The following TTBK1 variants were observed in gnomAD, a reference collection of about 807,000 sequenced individuals.
TTBK1 encodes the protein tau tubulin kinase 1.
TTBK1 carries 34 observed loss-of-function variants against 108.5 expected under a neutral mutation model. The observed-to-expected ratio is 0.31, with a 90% CI of 0.24 to 0.42. The LOEUF is 0.42. TTBK1 is among the 10% of genes least tolerant of loss of function. The pLI is 1.00. For missense variants in TTBK1, 1,539 were observed against 1,826.0 expected, an observed-to-expected ratio of 0.84 and a Z score of 2.86; for synonymous variants, 809 against 795.1, an observed-to-expected ratio of 1.02 and a Z score of -0.29.
intron 13 of TTBK1, among the ~76,000 whole-genome samples, chr6:43,277,440 TC>T (rs1778030781): frequency 6.6e-6 from 1 of 152,024 alleles, no homozygotes. Context: ...CTCCACCCCA[TC>T]CCCGCACACT....
chr6:43,275,342 G>A (rs968232575), intron 13 of TTBK1, among the ~76,000 whole-genome samples: 1 of 151,824 alleles, frequency 6.6e-6, no homozygotes, highest in African/African-American at 2.4e-5. Flanking sequence ...GGCTTCCCCT[G>A]GGTTCGCGTC....
In TTBK1 at chr6:43,243,542, G is replaced by C. The variant is rs1188301273; in HGVS notation, c.-221G>C. Reference sequence around the variant, plus strand: ...CGTCGCCCAAGGAGGATCGGGGCCGGGCCGGGCCGGGATGATCCGGGTCGG... The same window carrying C: ...CGTCGCCCAAGGAGGATCGGGGCCGCGCCGGGCCGGGATGATCCGGGTCGG... On this transcript the variant is annotated 5_prime_UTR_variant, in exon 1 of 15. Coordinates refer to ENST00000259750, the MANE Select transcript of TTBK1 (RefSeq NM_032538.3). This position sits in a 1 kb window ranked among gnomAD's most constrained non-coding sequence, Gnocchi z 5.5. 1.3e-5 allele frequency: 2 copies of C among 153,194 alleles called. No individual in the cohort carries two copies. Among genetic ancestry groups the C allele is most frequent in the Non-Finnish European group, 2.9e-5 (2 of 68,418 alleles). 9.5% of individuals were successfully genotyped at this position (153,194 alleles called of 1,614,324 possible). A position where few individuals can be genotyped will look rare whatever the true frequency, so the allele number is the denominator to read the frequency against.
rs1341648820 is a variant in TTBK1 at position 43,262,831 on chromosome 6, C to T, written c.1467C>T (p.Cys489=). The T allele has an allele frequency of 1.3e-6, 2 of 1,598,396 alleles. No homozygotes were observed. The highest frequency in any genetic ancestry group is 1.3e-5 in the African/African-American group (1 of 74,686). Residue 489 remains cysteine, a synonymous_variant, in exon 13 of 15, where the codon TGC becomes TGT. Transcript: ENST00000259750. ...DLPGSPSRQA[C]SSQPAQMLSV... ...CTGGCTCGCCCTCGCGCCAGGCCTGCTCCTCTCAGCCAGCCCAGATGCTGT... is the reference window on the plus strand; with the variant it reads ...CTGGCTCGCCCTCGCGCCAGGCCTGTTCCTCTCAGCCAGCCCAGATGCTGT...
rs1480769845 is a variant in TTBK1, at chr6:43,284,023, G to A, written c.3283G>A (p.Glu1095Lys). The change falls in exon 14 of 15, where the codon GAG (glutamate) becomes AAG (lysine). Residue 1095 changes from glutamate to lysine, a missense_variant. Glu to Lys is a moderately conservative substitution (Grantham distance 56). Coordinates refer to ENST00000259750, the MANE Select transcript of TTBK1 (RefSeq NM_032538.3). ...PQQDLARLVM[E>K]KRQGRLLLRL... The stretch of plus-strand genomic sequence containing the variant: ...GCAGGACCTGGCGCGGCTGGTGATG[G>A]AGAAGAGGCAGGGCCGCCTGCTGTT... 6.4e-7 allele frequency: 1 copy of A among 1,572,860 alleles called. No homozygotes were observed.
intron 2 of TTBK1, among the ~76,000 whole-genome samples, chr6:43,248,595 C>T (rs369555087): frequency 1.3e-4 from 20 of 152,180 alleles, no homozygotes; most frequent in Non-Finnish European, 1.8e-4. Context: ...TGGCAGTGGG[C>T]GCCTGTAATC....
In TTBK1 at chr6:43,283,028, A is replaced by T. The variant is rs1238450042; in HGVS notation, c.2288A>T (p.Glu763Val). 1 of 1,584,794 alleles carries T rather than the reference A, an allele frequency of 6.3e-7. No homozygotes were observed. ...GAAGAGGAAGAGGAGGAGGAAGAAG[A>T]GGAGGAGGAGGAAGAGGAGGAGGAG... is the stretch of plus-strand genomic sequence containing the variant. Reference protein sequence around the residue: ...EEEEEEEEEEEEEEEEEEEAA... With the variant: ...EEEEEEEEEEVEEEEEEEEAA... Residue 763 changes from glutamate to valine, a missense_variant, in exon 14 of 15, where the codon GAG becomes GTG. By Grantham distance (121) the Glu-to-Val change is moderately radical. Transcript: ENST00000259750. This position sits in a 1 kb window ranked among gnomAD's most constrained non-coding sequence, Gnocchi z 8.1.
At position 43,284,974 on chromosome 6, in the gene TTBK1, C is replaced by T. The variant is rs1397714586; in HGVS notation, c.3573-9C>T. 1 of 1,511,750 alleles carries T rather than the reference C, an allele frequency of 6.6e-7. No individual in the cohort carries two copies. The highest frequency in any genetic ancestry group is 8.8e-7 in the Non-Finnish European group (1 of 1,136,126). 93.6% of individuals were successfully genotyped at this position (1,511,750 alleles called of 1,614,324 possible). ...CTCTTCTTTTCTCCTGCCTTCTGCT[C>T]TCAAGCAGGCTCCAGCTGCAGACGC... On this transcript the variant is annotated splice_polypyrimidine_tract_variant and intron_variant, in intron 14 of 14. Transcript: ENST00000259750.
intron 13 of TTBK1, among the ~76,000 whole-genome samples, chr6:43,267,807 T>A (rs983951066): frequency 6.6e-6 from 1 of 152,184 alleles, no homozygotes; most frequent in East Asian, 1.9e-4. Context: ...GCACAGCAGG[T>A]CAGCATGCGC....
intron 2 of TTBK1, among the ~76,000 whole-genome samples, 197 bp downstream of exon 2, chr6:43,246,965 G>T (rs1217802557): frequency 2.0e-5 from 3 of 152,072 alleles, no homozygotes; most frequent in Non-Finnish European, 4.4e-5. Flanking sequence ...CCTCTCTCGA[G>T]CCCCGCCCTC....
chr6:43,285,512 C>CCGCGAGGACGCG lies in TTBK1; in HGVS notation c.*143_*154dup. On this transcript the variant is annotated 3_prime_UTR_variant, in exon 15 of 15. Transcript: ENST00000259750. The surrounding 1 kb of genome is among the most constrained non-coding windows in gnomAD (Gnocchi z 4.7). ...CGCGGCCCCAGCTTTCCGCCTGCACCCGCGAGGACGCGCGCGAGCACACGC... is the reference window on the plus strand; with the variant it reads ...CGCGGCCCCAGCTTTCCGCCTGCACCCGCGAGGACGCGCGCGAGGACGCGCGCGAGCACACGC... The CCGCGAGGACGCG allele has an allele frequency of 8.7e-7, 1 of 1,147,190 alleles. No individual in the cohort carries two copies. Among genetic ancestry groups the CCGCGAGGACGCG allele is most frequent in the Non-Finnish European group, 1.1e-6 (1 of 915,338 alleles). 71.1% of individuals were successfully genotyped at this position (1,147,190 alleles called of 1,614,324 possible). A position where few individuals can be genotyped will look rare whatever the true frequency, so the allele number is the denominator to read the frequency against.
intron 13 of TTBK1, among the ~76,000 whole-genome samples, chr6:43,266,174 CT>C (rs1334268185): frequency 1.3e-5 from 2 of 152,194 alleles, no homozygotes; most frequent in Non-Finnish European, 2.9e-5. Context: ...CACTCTGCCC[CT>C]GTGCATGTGC....
rs763296974 is a variant in TTBK1 at position 43,246,787 on chromosome 6, G to A, written c.108+19G>A. 1.4e-5 allele frequency: 23 copies of A among 1,592,236 alleles called. No individual in the cohort carries two copies. Among genetic ancestry groups the A allele is most frequent in the African/African-American group, 2.7e-5 (2 of 74,388 alleles). ...GAAGGTGGTGAGTGAGTGACCCGGC[G>A]GGACAGAGGGAGGGTAGCGGGGAGG... On this transcript the variant is annotated intron_variant, in intron 2 of 14. Transcript: ENST00000259750.
chr6:43,254,295 T>C (rs150157246), intron 5 of TTBK1, among the ~76,000 whole-genome samples: 1 of 152,230 alleles, frequency 6.6e-6, no homozygotes, highest in African/African-American at 2.4e-5. Context: ...CCACTTGCTG[T>C]GTAATCTCAG....
Position 43,285,158 on chromosome 6 carries a change from CG to C in TTBK1, c.3750del (p.Ser1251AlafsTer132). On this transcript the variant is annotated frameshift_variant, in exon 15 of 15. Coordinates refer to ENST00000259750, the MANE Select transcript of TTBK1 (RefSeq NM_032538.3). LOFTEE classifies it high-confidence loss of function. This position sits in a 1 kb window ranked among gnomAD's most constrained non-coding sequence, Gnocchi z 4.7. Reference sequence around the variant, plus strand: ...CGCGCGCAATGCCAGCGCGTCCCCCCGGAGCCAGTCCCTGTCCCGCAGAGAG... The same window carrying C: ...CGCGCGCAATGCCAGCGCGTCCCCCCGAGCCAGTCCCTGTCCCGCAGAGAG... ...SAARNASASP[R>X]SQSLSRRESP... 2.8e-6 allele frequency: 4 copies of C among 1,419,254 alleles called. No individual in the cohort carries two copies. The highest frequency in any genetic ancestry group is 2.7e-6 in the Non-Finnish European group (3 of 1,094,918). The allele number at this position is 1,419,254 out of a possible 1,614,324, so 87.9% of individuals were successfully genotyped here.
chr6:43,285,242 C>T lies in TTBK1; in HGVS notation c.3832C>T (p.Pro1278Ser). 1 of 1,301,878 alleles carries T rather than the reference C, an allele frequency of 7.7e-7. No individual in the cohort carries two copies. Among genetic ancestry groups the T allele is most frequent in the East Asian group, 3.1e-5 (1 of 32,008 alleles). The allele number at this position is 1,301,878 out of a possible 1,614,324, so 80.6% of individuals were successfully genotyped here. A position where few individuals can be genotyped will look rare whatever the true frequency, so the allele number is the denominator to read the frequency against. The stretch of plus-strand genomic sequence containing the variant: ...GGTCCCCCCGCCCCGGGGCGTCCCG[C>T]CGGCCCGGGCCCAGCCTGATGGCAC... The part of the protein sequence containing the change: ...PGVPPPRGVP[P>S]ARAQPDGTPS... Residue 1278 changes from proline (P) to serine (S), a missense_variant, in exon 15 of 15, where the codon CCG becomes TCG. Transcript: ENST00000259750. This position sits in a 1 kb window ranked among gnomAD's most constrained non-coding sequence, Gnocchi z 4.7.
chr6:43,268,814 T>G (rs979680139), intron 13 of TTBK1, among the ~76,000 whole-genome samples: 4 of 152,214 alleles, frequency 2.6e-5, no homozygotes, highest in Non-Finnish European at 5.9e-5. Flanking sequence ...TGACTTCAGT[T>G]TGCCCCTCCT....
chr6:43,287,188 G>A lies in TTBK1; in HGVS notation c.*1812G>A, dbSNP rs756868926. 2 of 152,638 alleles carry A rather than the reference G, an allele frequency of 1.3e-5. No homozygotes were observed. The highest frequency in any genetic ancestry group is 4.8e-5 in the African/African-American group (2 of 41,436). The allele number at this position is 152,638 out of a possible 1,614,324, so 9.5% of individuals were successfully genotyped here. A position where few individuals can be genotyped will look rare whatever the true frequency, so the allele number is the denominator to read the frequency against. On this transcript the variant is annotated 3_prime_UTR_variant, in exon 15 of 15. Transcript: ENST00000259750. The surrounding 1 kb of genome is among the most constrained non-coding windows in gnomAD (Gnocchi z 4.1). The stretch of plus-strand genomic sequence containing the variant: ...CACTCAGGAAACTTCTCCGGACAGA[G>A]CCCTCCTTGTCAACTTGAGGCCCTC...
chr6:43,252,599 G>A lies in TTBK1; in HGVS notation c.109-140G>A, dbSNP rs1777273740. The A allele has an allele frequency of 4.3e-6, 4 of 939,190 alleles. 1 individual carries two copies. The highest frequency in any genetic ancestry group is 5.8e-4 in the Middle Eastern group (2 of 3,428). The allele number at this position is 939,190 out of a possible 1,614,324, so 58.2% of individuals were successfully genotyped here. ...ATTGCACCACTGCACTCCAGCCTGG[G>A]CGACAAAGTGAGACTCCATCTCAAA... On this transcript the variant is annotated intron_variant, in intron 2 of 14. Transcript: ENST00000259750.
chr6:43,282,142 G>A lies in TTBK1; in HGVS notation c.1987-585G>A, dbSNP rs985385405. On this transcript the variant is annotated intron_variant, in intron 13 of 14. Transcript: ENST00000259750. This position sits in a 1 kb window ranked among gnomAD's most constrained non-coding sequence, Gnocchi z 5.4. ...AAGGGTAGAGGACAGCCCCGCCTTT[G>A]CCCTTGTCCAGCACAGGATCTGGTG... Among the ~76,000 whole-genome samples, 1 of 152,226 alleles carries A rather than the reference G, an allele frequency of 6.6e-6. No individual in the cohort carries two copies. The highest frequency in any genetic ancestry group is 1.5e-5 in the Non-Finnish European group (1 of 68,038).
Sources: allele counts gnomAD v4.1 joint callset (sites outside exome capture counted in the v4.1 genomes callset), GRCh38; gene constraint gnomAD v4.1.1; non-coding constraint Gnocchi (gnomAD v3.1); transcripts MANE v1.5; gene names NCBI Gene and HGNC (gene_info 2026-07-23, HGNC 2026-07-21).